PODN: variants seen among roughly 807,000 people sequenced by gnomAD.
PODN encodes the protein podocan.
In PODN, 40 loss-of-function variants were observed where a neutral mutation model predicts 52.7. The observed-to-expected ratio is 0.76, with a 90% confidence interval of 0.59 to 0.99. The LOEUF (loss-of-function observed/expected upper bound fraction) is 0.99, where lower values mean the gene tolerates loss of function less well. PODN is among the 50% of genes least tolerant of loss of function. The pLI, the probability that PODN is intolerant of heterozygous loss-of-function variation, is 0.00. For missense variants in PODN, 720 were observed against 815.1 expected (o/e 0.88, Z 1.42); for synonymous variants, 396 against 377.9 (o/e 1.05, Z -0.56).
chr1:53,066,588 C>A (rs1040499302), intron 1 of PODN, among the ~76,000 whole-genome samples: 1 of 152,038 alleles, frequency 6.6e-6, no homozygotes, highest in African/African-American at 2.4e-5. Context: ...AGAAGCCACG[C>A]TGAGTCTTCT....
rs568563564 is a variant in PODN at position 53,070,128 on chromosome 1, G to A, written c.273G>A (p.Pro91=). The A allele has an allele frequency of 1.7e-5, 27 of 1,611,336 alleles. No individual in the cohort carries two copies. Among genetic ancestry groups the A allele is most frequent in the Admixed American group, 1.7e-4 (10 of 59,998 alleles). The part of the protein sequence containing the change: ...DCGGIDLREF[P]GDLPEHTNHL... ...GCGGTATTGACCTGCGTGAGTTCCC[G>A]GGGGACCTGCCTGAGCACACCAACC... is the stretch of plus-strand genomic sequence containing the variant. Residue 91 remains proline (P), a synonymous_variant, in exon 2 of 11, where the codon CCG becomes CCA. Transcript: ENST00000312553.
intron 1 of PODN, chr1:53,063,316 C>T: frequency 1.0e-6 from 1 of 978,500 alleles, no homozygotes; most frequent in Non-Finnish European, 1.2e-6. Flanking sequence ...GATGCTCACC[C>T]AGCGCTTGGA....
At chr1:53,077,135 C>T in intron 5 of PODN, 55 bp from the exon 6 acceptor site, 1 of 1,587,670 alleles carries the variant, frequency 6.3e-7, no homozygotes, top group South Asian at 1.2e-5. Flanking sequence ...ACCAGTTGAG[C>T]TGGCGCAGGG....
intron 9 of PODN, 36 bp from the exon 10 acceptor site, chr1:53,081,945 G>A (rs1644301759): frequency 9.6e-6 from 15 of 1,561,530 alleles, no homozygotes; most frequent in Non-Finnish European, 1.1e-5. Context: ...CTTGGGGGTT[G>A]GGCTCCTGGC....
rs1159110771 is a variant in PODN, at chr1:53,077,323, G to A, written c.715G>A (p.Ala239Thr). The A allele has an allele frequency of 6.2e-7, 1 of 1,613,252 alleles. No individual in the cohort carries two copies. The highest frequency in any genetic ancestry group is 1.1e-5 in the South Asian group (1 of 91,088). Residue 239 changes from alanine to threonine, a missense_variant, in exon 6 of 11, where the codon GCC becomes ACC. Physicochemically the swap from Ala to Thr is moderately conservative, Grantham distance 58. Transcript: ENST00000312553. The stretch of plus-strand genomic sequence containing the variant: ...CCACGTGCCCAAGCACCTGCCGCCT[G>A]CCCTGTACAAGCTGCACCTCAAGGT... The part of the protein sequence containing the change: ...LRHVPKHLPP[A>T]LYKLHLKNNK...
At chr1:53,065,140 G>T (rs558265112) in intron 1 of PODN, among the ~76,000 whole-genome samples, 1 of 152,178 alleles carries the variant, frequency 6.6e-6, no homozygotes, top group Non-Finnish European at 1.5e-5. Context: ...GAGGCAGAAG[G>T]CCAGAAGTTC....
chr1:53,079,158 T>A, intron 8 of PODN, 136 bp downstream of exon 8: 1 of 1,189,800 alleles, frequency 8.4e-7, no homozygotes, highest in Non-Finnish European at 1.1e-6. Context: ...CAGGCTGAGC[T>A]CATTCACCTT....
chr1:53,082,800 A>G (rs894623374), intron 10 of PODN, among the ~76,000 whole-genome samples: 5 of 152,090 alleles, frequency 3.3e-5, no homozygotes, highest in Admixed American at 3.3e-4. Flanking sequence ...ATGCACACAG[A>G]CACACATACA....
rs1279059806 is a variant in PODN at position 53,075,960 on chromosome 1, G to A, written c.570G>A (p.Lys190=). 1 of 1,591,228 alleles carries A rather than the reference G, an allele frequency of 6.3e-7. No homozygotes were observed. The highest frequency in any genetic ancestry group is 1.1e-5 in the South Asian group (1 of 87,938). Residue 190 remains lysine, a synonymous_variant, in exon 5 of 11, where the codon AAG becomes AAA. Coordinates refer to ENST00000312553, the MANE Select transcript of PODN (RefSeq NM_153703.5). ...TCTATGGGCTCACCTTTGGCCAGAA[G>A]CCAAACTTGAGGTCAGAGGTCGGGG... ...TKIYGLTFGQ[K]PNLRSVYLHN...
At chr1:53,080,257 G>C (rs1277602583) in intron 8 of PODN, among the ~76,000 whole-genome samples, 1 of 152,234 alleles carries the variant, frequency 6.6e-6, no homozygotes, top group African/African-American at 2.4e-5. Context: ...CCATAAGTGA[G>C]CAGTCCCACT....
At chr1:53,062,615 C>T (rs1459967228) in intron 1 of PODN, among the ~76,000 whole-genome samples, 1 of 151,934 alleles carries the variant, frequency 6.6e-6, no homozygotes, top group African/African-American at 2.4e-5. Context: ...GGGGCGGGGG[C>T]TGGAGTGGGA....
chr1:53,076,073 C>T, intron 5 of PODN, 102 bp downstream of exon 5: 1 of 1,029,108 alleles, frequency 9.7e-7, no homozygotes, highest in Non-Finnish European at 1.5e-6. Context: ...CGAAGGAGGC[C>T]CTGCACTCAG....
Position 53,078,468 on chromosome 1 carries a change from G to T in PODN, c.958G>T (p.Ala320Ser), listed in dbSNP as rs757792597. ...SLVLLHLEKNAIRSVDANVLT... is the reference protein window; with the variant it reads ...SLVLLHLEKNSIRSVDANVLT... ...GGTGCTGCTGCACTTGGAGAAGAAC[G>T]CCATCCGGAGCGTGGACGCGAATGT... is the stretch of plus-strand genomic sequence containing the variant. The change falls in exon 8 of 11, where the codon GCC (alanine) becomes TCC (serine). Residue 320 changes from alanine to serine, a missense_variant. Physicochemically the swap from Ala to Ser is moderately conservative, Grantham distance 99. Transcript: ENST00000312553. 2 of 1,613,380 alleles carry T rather than the reference G, an allele frequency of 1.2e-6. No homozygotes were observed. The highest frequency in any genetic ancestry group is 4.5e-5 in the East Asian group (2 of 44,886).
chr1:53,081,881 C>A, intron 9 of PODN, 100 bp from the exon 10 acceptor site: 1 of 1,487,618 alleles, frequency 6.7e-7, no homozygotes, highest in South Asian at 1.4e-5. Context: ...TCCGGGAGGG[C>A]CATTCCCTCC....
intron 4 of PODN, 55 bp from the exon 5 acceptor site, chr1:53,075,807 A>G: frequency 6.9e-7 from 1 of 1,456,758 alleles, no homozygotes; most frequent in Non-Finnish European, 9.4e-7. Flanking sequence ...AGTGGGACCC[A>G]CAGCTGGCCT....
intron 10 of PODN, among the ~76,000 whole-genome samples, chr1:53,082,963 T>C (rs1431338325): frequency 6.6e-6 from 1 of 152,168 alleles, no homozygotes; most frequent in Non-Finnish European, 1.5e-5. Flanking sequence ...CATGTACACA[T>C]GATGCGTGCA....
rs1285590081 is a variant in PODN at position 53,083,003 on chromosome 1, G to C, written c.*27+815G>C. Among the ~76,000 whole-genome samples, 3 of 152,234 alleles carry C rather than the reference G, an allele frequency of 2.0e-5. No individual in the cohort carries two copies. In the East Asian group the frequency reaches 5.8e-4, roughly 29 times the overall value. On this transcript the variant is annotated intron_variant, in intron 10 of 10. Transcript: ENST00000312553. The stretch of plus-strand genomic sequence containing the variant: ...CAGGCCTGTCTAGAAGTGGGGACTT[G>C]GCTGTGTCAGTGCTGCTGAGGGGCT...
chr1:53,077,232 G>T lies in PODN; in HGVS notation c.624G>T (p.Leu208=). The change falls in exon 6 of 11, where the codon CTG becomes CTT. Residue 208 remains leucine (L), a synonymous_variant. Transcript: ENST00000312553. ...LHNNKLADAG[L]PDNMFNGSSN... ...ACAACAAGCTGGCAGACGCCGGGCT[G>T]CCGGACAACATGTTCAACGGCTCCA... is the stretch of plus-strand genomic sequence containing the variant. 6.2e-7 allele frequency: 1 copy of T among 1,613,474 alleles called. No homozygotes were observed. The highest frequency in any genetic ancestry group is 8.5e-7 in the Non-Finnish European group (1 of 1,180,022).
chr1:53,066,445 A>G (rs10158910), intron 1 of PODN, among the ~76,000 whole-genome samples: 27,179 of 152,112 alleles, frequency 0.18, 3,988 homozygotes, highest in African/African-American at 0.37. Context: ...TTTGTACGAC[A>G]TCTTTGAGAT....
Sources: gnomAD v4.1 joint callset for allele counts (sites outside exome capture counted in the v4.1 genomes callset) on GRCh38, gnomAD v4.1.1 for gene constraint, MANE v1.5 for transcripts, NCBI Gene and HGNC (gene_info 2026-07-23, HGNC 2026-07-21) for gene names.